TG: variants seen among roughly 807,000 people sequenced by gnomAD.
The protein encoded by TG is thyroglobulin, also known as thyroid hormones.
In TG, 270 loss-of-function variants were observed where a neutral mutation model predicts 324.7. The ratio of observed to expected loss-of-function variants is 0.83; its 90% CI spans 0.75 to 0.92. TG has a LOEUF of 0.92. Ranked by LOEUF, TG falls within the 40% of genes least tolerant of loss-of-function variation. The pLI is 0.00. For missense variants in TG, 3,591 were observed against 3,456.4 expected (o/e 1.04, Z -0.98); for synonymous variants, 1,401 against 1,327.0 (o/e 1.06, Z -1.21).
chr8:132,875,546 C>G (rs1018257535), intron 5 of TG, among the ~76,000 whole-genome samples: 4 of 151,512 alleles, frequency 2.6e-5, no homozygotes, highest in African/African-American at 4.9e-5. Flanking sequence ...TGGCACAGAG[C>G]CTTGCACACA....
At chr8:133,092,585 A>C (rs1847736529) in intron 41 of TG, among the ~76,000 whole-genome samples, 1 of 152,164 alleles carries the variant, frequency 6.6e-6, no homozygotes, top group Non-Finnish European at 1.5e-5. Context: ...ACCTGGCCTC[A>C]TGCATCTTTG....
In TG at chr8:132,984,003, T is replaced by A. The variant is rs190488435; in HGVS notation, c.6262+591T>A. On this transcript the variant is annotated intron_variant, in intron 35 of 47. Coordinates refer to ENST00000220616, the MANE Select transcript of TG (RefSeq NM_003235.5). ...TGAGTCAGCAGAAAGTGCAGAGAGG[T>A]TGGGTGCAGTAGAGACATCTGGATG... Among the ~76,000 whole-genome samples, 11 of 152,110 alleles carry A rather than the reference T, an allele frequency of 7.2e-5. No individual in the cohort carries two copies. The East Asian group carries it at 2.1e-3, about 29-fold the overall frequency.
intron 41 of TG, chr8:133,060,288 C>A (rs529570281): frequency 3.9e-5 from 62 of 1,586,458 alleles, no homozygotes; most frequent in Middle Eastern, 1.7e-4. Flanking sequence ...CATCGTGCAT[C>A]ATTTTTCTGG....
chr8:133,114,393 G>A (rs976181149), intron 44 of TG, among the ~76,000 whole-genome samples: 7 of 152,178 alleles, frequency 4.6e-5, no homozygotes, highest in African/African-American at 1.2e-4. Flanking sequence ...GCACGCCCCC[G>A]GCCCCAGGGG....
intron 41 of TG, among the ~76,000 whole-genome samples, chr8:133,052,176 C>A (rs1406974147): frequency 9.2e-5 from 14 of 152,192 alleles, no homozygotes; most frequent in Non-Finnish European, 5.9e-5. Flanking sequence ...AGTCATAAGC[C>A]TCTTGGGCAG....
At position 132,882,862 on chromosome 8, in the gene TG, A is replaced by T. The variant is rs370413523; in HGVS notation, c.938A>T (p.His313Leu). The stretch of plus-strand genomic sequence containing the variant: ...CGGTTTACAGCAACCAGCTTTGGTC[A>T]CCCCTATGTTCCAAGCTGCCGCCGA... The part of the protein sequence containing the change: ...VERFTATSFG[H>L]PYVPSCRRNG... Residue 313 changes from histidine (H) to leucine (L), a missense_variant, in exon 8 of 48, where the codon CAC (histidine) becomes CTC (leucine). Transcript: ENST00000220616. 3 of 1,614,014 alleles carry T rather than the reference A, an allele frequency of 1.9e-6. No homozygotes were observed. In the African/African-American group the frequency reaches 4.0e-5, roughly 22 times the overall value.
intron 41 of TG, among the ~76,000 whole-genome samples, chr8:133,067,393 G>A (rs749825794): frequency 2.0e-5 from 3 of 152,192 alleles, no homozygotes; most frequent in African/African-American, 4.8e-5. Context: ...ACAAGGGCAG[G>A]CAGCCAGCTC....
In TG at chr8:133,116,705, C is replaced by T. The variant is rs749845837; in HGVS notation, c.7851C>T (p.Tyr2617=). The change falls in exon 45 of 48, where the codon TAC becomes TAT. Residue 2617 remains tyrosine (Y), a synonymous_variant. Transcript: ENST00000220616. The stretch of plus-strand genomic sequence containing the variant: ...TCATGTACCATGCTCCTGAAAACTA[C>T]GGCCATGGCAGGTAAGACGCTGCAG... ...NVFMYHAPEN[Y]GHGSLELLAD... is the part of the protein sequence containing the mutation. 1.1e-5 allele frequency: 18 copies of T among 1,614,032 alleles called. No individual in the cohort carries two copies. Among genetic ancestry groups the T allele is most frequent in the East Asian group, 4.5e-5 (2 of 44,900 alleles).
At position 133,060,125 on chromosome 8, in the gene TG, G is replaced by A. The variant is rs369401823; in HGVS notation, c.7239+30102G>A. 267 of 1,607,730 alleles carry A rather than the reference G, an allele frequency of 1.7e-4. 5 individuals are homozygous for A. In the South Asian group the frequency reaches 2.4e-3, roughly 14 times the overall value. On this transcript the variant is annotated intron_variant, in intron 41 of 47. Coordinates refer to ENST00000220616, the MANE Select transcript of TG (RefSeq NM_003235.5). ...CCTCCGGGTTGGGCAGGGGCCTCTCGGCAGGCGCAGGGGTGGATTTCATGC... is the reference window on the plus strand; with the variant it reads ...CCTCCGGGTTGGGCAGGGGCCTCTCAGCAGGCGCAGGGGTGGATTTCATGC...
At chr8:132,898,078 C>T in intron 12 of TG, 91 bp from the exon 13 acceptor site, 4 of 1,274,080 alleles carry the variant, frequency 3.1e-6, no homozygotes. Flanking sequence ...GCTTGCACTG[C>T]TATGAGTGAA....
intron 41 of TG, among the ~76,000 whole-genome samples, chr8:133,074,570 A>G (rs946305448): frequency 6.6e-6 from 1 of 152,220 alleles, no homozygotes; most frequent in African/African-American, 2.4e-5. Flanking sequence ...CCTTTGTAAG[A>G]AGCCTGCTAA....
At chr8:133,018,097 A>C (rs966426098) in intron 38 of TG, 100 bp downstream of exon 38, 3 of 1,162,452 alleles carry the variant, frequency 2.6e-6, no homozygotes, top group African/African-American at 3.0e-5. Flanking sequence ...TGCATTTTGG[A>C]TAAAGCAATG....
chr8:133,082,737 G>T lies in TG; in HGVS notation c.7240-12307G>T, dbSNP rs1215536952. Among the ~76,000 whole-genome samples, 2 of 152,174 alleles carry T rather than the reference G, an allele frequency of 1.3e-5. 1 individual carries two copies. Among genetic ancestry groups the T allele is most frequent in the Non-Finnish European group, 2.9e-5 (2 of 68,024 alleles). ...CTTGAACAGCACAAAATGACGGTAG[G>T]ATCTGTAACAGCATTATGATGACTT... On this transcript the variant is annotated intron_variant, in intron 41 of 47. Coordinates refer to ENST00000220616, the MANE Select transcript of TG (RefSeq NM_003235.5).
At chr8:133,095,389 A>T (rs907643694) in intron 42 of TG, among the ~76,000 whole-genome samples, 181 bp downstream of exon 42, 9 of 152,138 alleles carry the variant, frequency 5.9e-5, no homozygotes, top group African/African-American at 2.2e-4. Flanking sequence ...AGCCTGCAAC[A>T]GTCCAAACAT....
chr8:132,867,117 C>T, intron 1 of TG, 50 bp downstream of exon 1: 1 of 1,508,094 alleles, frequency 6.6e-7, no homozygotes, highest in Non-Finnish European at 9.1e-7. Context: ...GCTCCAGTGT[C>T]AGCCAGGCTC....
chr8:133,092,103 T>C (rs1847646330), intron 41 of TG, among the ~76,000 whole-genome samples: 1 of 152,202 alleles, frequency 6.6e-6, no homozygotes, highest in Non-Finnish European at 1.5e-5. Context: ...CACTCTGATC[T>C]CCAGGATTTT....
chr8:133,120,288 C>T (rs115502118), intron 45 of TG, among the ~76,000 whole-genome samples: 2,550 of 152,322 alleles, frequency 0.017, 67 homozygotes, highest in African/African-American at 0.059. Context: ...AGAAATGAGT[C>T]TTCTACATGA....
At chr8:133,053,570 G>A (rs1007689465) in intron 41 of TG, among the ~76,000 whole-genome samples, 5 of 152,236 alleles carry the variant, frequency 3.3e-5, no homozygotes, top group Non-Finnish European at 1.5e-5. Context: ...GGGAGGCACA[G>A]TGTGTGTTCT....
chr8:133,063,333 C>T (rs1842650418), intron 41 of TG, among the ~76,000 whole-genome samples: 1 of 151,654 alleles, frequency 6.6e-6, no homozygotes, highest in Non-Finnish European at 1.5e-5. Context: ...CAGGCTCCCA[C>T]CACAATGTCT....
Sources: gnomAD v4.1 joint callset for allele counts (sites outside exome capture counted in the v4.1 genomes callset) on GRCh38, gnomAD v4.1.1 for gene constraint, MANE v1.5 for transcripts, NCBI Gene and HGNC (gene_info 2026-07-23, HGNC 2026-07-21) for gene names.